ZNF837: variants seen among roughly 807,000 people sequenced by gnomAD.
ZNF837 encodes zinc finger protein 837.
For missense variants in ZNF837, 955 were observed against 801.7 expected, an observed-to-expected ratio of 1.19 and a Z score of -2.31; for synonymous variants, 475 against 365.2, an observed-to-expected ratio of 1.30 and a Z score of -3.43.
In ZNF837 at chr19:58,367,982, C is replaced by T. The variant is rs1381986235; in HGVS notation, c.1351G>A (p.Glu451Lys). The T allele has an allele frequency of 1.3e-6, 2 of 1,532,100 alleles. No individual in the cohort carries two copies. Among genetic ancestry groups the T allele is most frequent in the African/African-American group, 1.4e-5 (1 of 72,896 alleles). The allele number at this position is 1,532,100 out of a possible 1,614,324, so 94.9% of individuals were successfully genotyped here. A position where few individuals can be genotyped will look rare whatever the true frequency, so the allele number is the denominator to read the frequency against. Residue 451 changes from glutamate (E) to lysine (K), a missense_variant, in exon 3 of 3, where the codon GAG becomes AAG. Transcript: ENST00000597582. The stretch of plus-strand genomic sequence containing the variant: ...CAGCCGCGGAAGGTCTTTCCGCACT[C>T]GGAGCAGCCATAGGGCCGCTCGCCG... ...HTGERPYGCS[E>K]CGKTFRGCSE...
chr19:58,370,489 G>A (rs530592153), intron 1 of ZNF837, among the ~76,000 whole-genome samples: 1 of 152,164 alleles, frequency 6.6e-6, no homozygotes, highest in Non-Finnish European at 1.5e-5. Context: ...GAAACAGGAC[G>A]TGCAGATCTT....
intron 1 of ZNF837, among the ~76,000 whole-genome samples, chr19:58,372,598 C>G (rs763594322): frequency 2.0e-5 from 3 of 152,218 alleles, no homozygotes; most frequent in Non-Finnish European, 4.4e-5. Flanking sequence ...ACTAAAAGGA[C>G]TCACGAAGCA....
At chr19:58,371,860 T>C (rs1025214059) in intron 1 of ZNF837, among the ~76,000 whole-genome samples, 1 of 151,388 alleles carries the variant, frequency 6.6e-6, no homozygotes, top group African/African-American at 2.4e-5. Context: ...TAGCTGGGAT[T>C]ACAGGTGCCT....
chr19:58,372,308 C>T (rs1046518233), intron 1 of ZNF837, among the ~76,000 whole-genome samples: 14 of 152,174 alleles, frequency 9.2e-5, no homozygotes, highest in African/African-American at 3.4e-4. Flanking sequence ...ATCCACCCGT[C>T]TCGGCCTCCC....
intron 1 of ZNF837, among the ~76,000 whole-genome samples, chr19:58,374,135 C>G (rs913042129): frequency 6.6e-6 from 1 of 152,160 alleles, no homozygotes; most frequent in Non-Finnish European, 1.5e-5. Context: ...ACCTTCAGCT[C>G]CACAGAAAGG....
chr19:58,376,622 A>G (rs1343295660), intron 1 of ZNF837, among the ~76,000 whole-genome samples: 1 of 150,302 alleles, frequency 6.7e-6, no homozygotes, highest in Non-Finnish European at 1.5e-5. Context: ...AAAAAAAGAG[A>G]AAAACAAGTT....
At chr19:58,373,653 G>C (rs1308450265) in intron 1 of ZNF837, among the ~76,000 whole-genome samples, 1 of 152,212 alleles carries the variant, frequency 6.6e-6, no homozygotes, top group Non-Finnish European at 1.5e-5. Flanking sequence ...CCCAAGAACA[G>C]GATGGGGAAT....
chr19:58,369,385 A>T (rs980841085), intron 2 of ZNF837, 24 bp from the exon 3 acceptor site: 253 of 1,318,508 alleles, frequency 1.9e-4, no homozygotes, highest in Non-Finnish European at 2.4e-4. Flanking sequence ...GAAGAAATGG[A>T]GGTTGGCGGT....
In ZNF837 at chr19:58,368,653, C is replaced by A; in HGVS notation, c.680G>T (p.Cys227Phe). Residue 227 changes from cysteine (C) to phenylalanine (F), a missense_variant, in exon 3 of 3, where the codon TGT becomes TTT. Transcript: ENST00000597582. ...GCGGAAGCGCTTCCCGCACCGGGCA[C>A]ACGGACGGGGCTCCTCCGTCGCCTG... ...RLQATEEPRP[C>F]ARCGKRFRPN... 1 of 1,529,562 alleles carries A rather than the reference C, an allele frequency of 6.5e-7. No individual in the cohort carries two copies. The highest frequency in any genetic ancestry group is 8.8e-7 in the Non-Finnish European group (1 of 1,142,672). 94.7% of individuals were successfully genotyped at this position (1,529,562 alleles called of 1,614,324 possible). A position where few individuals can be genotyped will look rare whatever the true frequency, so the allele number is the denominator to read the frequency against.
intron 1 of ZNF837, among the ~76,000 whole-genome samples, chr19:58,373,199 G>T (rs558825589): frequency 6.6e-6 from 1 of 152,192 alleles, no homozygotes; most frequent in Non-Finnish European, 1.5e-5. Context: ...TCCCAAAGGC[G>T]CCGATCCTTC....
intron 1 of ZNF837, among the ~76,000 whole-genome samples, chr19:58,377,214 CAA>C (rs59075033): frequency 5.3e-4 from 50 of 94,970 alleles, no homozygotes; most frequent in Non-Finnish European, 4.3e-4. Context: ...GAGACTCCGT[CAA>C]AAAAAAAAAA....
chr19:58,368,895 G>A lies in ZNF837; in HGVS notation c.438C>T (p.Asp146=), dbSNP rs1038782452. The change falls in exon 3 of 3, where the codon GAC becomes GAT. Residue 146 remains aspartate, a synonymous_variant. Transcript: ENST00000597582. ...GGTTCTGGATCCGCTCCGGACAGGG[G>A]TCACACACGGGTGGCGTCTCCCCAG... is the stretch of plus-strand genomic sequence containing the variant. ...APAGETPPVC[D]PCPERIQNHP... The A allele has an allele frequency of 6.5e-7, 1 of 1,548,254 alleles. No individual in the cohort carries two copies. The highest frequency in any genetic ancestry group is 1.2e-5 in the South Asian group (1 of 84,042).
intron 1 of ZNF837, among the ~76,000 whole-genome samples, chr19:58,371,409 A>AAAAT (rs762304868): frequency 5.0e-4 from 76 of 152,270 alleles, no homozygotes; most frequent in Non-Finnish European, 8.1e-4. Context: ...CTCCGTCTCA[A>AAAAT]AAATAAATAA....
intron 1 of ZNF837, among the ~76,000 whole-genome samples, chr19:58,370,991 C>T (rs2052196368): frequency 6.6e-6 from 1 of 151,914 alleles, no homozygotes; most frequent in South Asian, 2.1e-4. Context: ...CCTGTAATCC[C>T]AGCACTTTGG....
chr19:58,373,063 C>T (rs548169658), intron 1 of ZNF837, among the ~76,000 whole-genome samples: 23 of 152,330 alleles, frequency 1.5e-4, no homozygotes, highest in Admixed American at 3.3e-4. Flanking sequence ...CACGTGATAA[C>T]TGCACAACCC....
intron 1 of ZNF837, among the ~76,000 whole-genome samples, chr19:58,372,403 C>A (rs533789284): frequency 2.0e-5 from 3 of 149,718 alleles, no homozygotes; most frequent in Admixed American, 6.7e-5. Flanking sequence ...TGTGGTGGCT[C>A]ATGCCTGTAA....
chr19:58,372,024 T>C (rs1046220560), intron 1 of ZNF837, among the ~76,000 whole-genome samples: 52 of 150,628 alleles, frequency 3.5e-4, no homozygotes, highest in Admixed American at 3.4e-3. Flanking sequence ...CCTGGCCAGA[T>C]ATCCCTTTAT....
rs1366934044 is a variant in ZNF837 at position 58,368,262 on chromosome 19, T to C, written c.1071A>G (p.Gly357=). 2 of 1,485,626 alleles carry C rather than the reference T, an allele frequency of 1.3e-6. No individual in the cohort carries two copies. Among genetic ancestry groups the C allele is most frequent in the Non-Finnish European group, 1.8e-6 (2 of 1,123,114 alleles). The allele number at this position is 1,485,626 out of a possible 1,614,324, so 92.0% of individuals were successfully genotyped here. The change falls in exon 3 of 3, where the codon GGA becomes GGG. Residue 357 remains glycine (G), a synonymous_variant. Transcript: ENST00000597582. ...YSERSPRRGS[G]AGEKPYECAD... Reference sequence around the variant, plus strand: ...CGCACTCGTACGGCTTCTCCCCGGCTCCCGACCCCCGTCGGGGACTCCGCT... The same window carrying C: ...CGCACTCGTACGGCTTCTCCCCGGCCCCCGACCCCCGTCGGGGACTCCGCT...
Position 58,374,372 on chromosome 19 carries a change from C to T in ZNF837, c.-139-4444G>A, listed in dbSNP as rs1599925643. Among the ~76,000 whole-genome samples the T allele has an allele frequency of 4.6e-5, 7 of 152,278 alleles. 1 individual carries two copies. Among genetic ancestry groups the T allele is most frequent in the Admixed American group, 4.6e-4 (7 of 15,288 alleles). On this transcript the variant is annotated intron_variant, in intron 1 of 2. Transcript: ENST00000597582. ...ATTCAGCCATAAAAATGGATGAGTACTAACACATACTGCAACATGGACTTT... is the reference window on the plus strand; with the variant it reads ...ATTCAGCCATAAAAATGGATGAGTATTAACACATACTGCAACATGGACTTT...
Sources: gnomAD v4.1 joint callset for allele counts (sites outside exome capture counted in the v4.1 genomes callset) on GRCh38, gnomAD v4.1.1 for gene constraint, MANE v1.5 for transcripts, NCBI Gene and HGNC (gene_info 2026-07-23, HGNC 2026-07-21) for gene names.